Variants in KLHL3 observed in about 807,000 individuals in gnomAD.
The protein encoded by KLHL3 is kelch-like protein 3.
A neutral mutation model predicts 70.5 loss-of-function variants in KLHL3; 19 were observed. That is an observed-to-expected ratio of 0.27 (90% CI 0.19 to 0.40). The LOEUF (loss-of-function observed/expected upper bound fraction) is 0.40, where lower values mean the gene tolerates loss of function less well. Among genes scored for constraint, KLHL3 ranks in the 10% least tolerant of loss-of-function variants. The probability of loss-of-function intolerance (pLI) is 1.00; values close to 1 mark genes in which losing one functional copy is unlikely to be tolerated. For synonymous variants in KLHL3, 258 were observed against 290.3 expected (o/e 0.89, Z 1.13); for missense variants, 512 against 771.1 (o/e 0.66, Z 3.98).
At chr5:137,694,568 T>C (rs1752402032) in intron 4 of KLHL3, among the ~76,000 whole-genome samples, 1 of 152,048 alleles carries the variant, frequency 6.6e-6, no homozygotes, top group South Asian at 2.1e-4. Context: ...CAAATGGGGA[T>C]CCATTAACCA....
chr5:137,675,089 T>G (rs1388534638), intron 6 of KLHL3, among the ~76,000 whole-genome samples: 1 of 152,190 alleles, frequency 6.6e-6, no homozygotes, highest in Non-Finnish European at 1.5e-5. Context: ...AGATCATGAG[T>G]AATCTGCTTT....
At chr5:137,727,665 T>G (rs1753106668) in intron 1 of KLHL3, among the ~76,000 whole-genome samples, 1 of 152,198 alleles carries the variant, frequency 6.6e-6, no homozygotes, top group Admixed American at 6.5e-5. Flanking sequence ...CTACCAGCCT[T>G]CAAGCCTCTT....
At chr5:137,676,506 A>G (rs867830585) in intron 6 of KLHL3, among the ~76,000 whole-genome samples, 36 of 152,348 alleles carry the variant, frequency 2.4e-4, no homozygotes, top group African/African-American at 8.2e-4. Context: ...ATGTACAATG[A>G]AAAGGAGAAC....
chr5:137,696,094 T>A (rs1258655154), intron 4 of KLHL3, among the ~76,000 whole-genome samples: 1 of 152,056 alleles, frequency 6.6e-6, no homozygotes. Flanking sequence ...CTTCCTCAGA[T>A]AACATGAAAA....
At chr5:137,679,381 G>C (rs886111508) in intron 5 of KLHL3, among the ~76,000 whole-genome samples, 4 of 152,142 alleles carry the variant, frequency 2.6e-5, no homozygotes, top group Admixed American at 6.5e-5. Context: ...AGGACCACAC[G>C]GTTCTCAGGA....
chr5:137,689,984 C>T (rs1303331536), intron 5 of KLHL3, among the ~76,000 whole-genome samples: 1 of 152,218 alleles, frequency 6.6e-6, no homozygotes, highest in Non-Finnish European at 1.5e-5. Flanking sequence ...GACAGAATTT[C>T]TGACATCTAA....
chr5:137,695,767 C>T (rs1428917314), intron 4 of KLHL3, among the ~76,000 whole-genome samples: 1 of 152,196 alleles, frequency 6.6e-6, no homozygotes, highest in Non-Finnish European at 1.5e-5. Flanking sequence ...GCAGCAGTGA[C>T]AAGATTATGA....
chr5:137,679,030 A>G (rs1418675995), intron 5 of KLHL3, among the ~76,000 whole-genome samples: 1 of 130,958 alleles, frequency 7.6e-6, no homozygotes, highest in African/African-American at 2.6e-5. Context: ...AAAAGCCTTT[A>G]GTTTTTAAGT....
chr5:137,692,648 CTG>C, intron 4 of KLHL3: 1 of 568,626 alleles, frequency 1.8e-6, no homozygotes, highest in Non-Finnish European at 3.2e-6. Flanking sequence ...AGCAGATTCT[CTG>C]TATCCCTACA....
chr5:137,720,373 A>C, intron 2 of KLHL3, 92 bp downstream of exon 2: 1 of 1,432,968 alleles, frequency 7.0e-7, no homozygotes, highest in Non-Finnish European at 9.7e-7. Context: ...AGAATTCCCT[A>C]GGTGGTCATG....
At chr5:137,637,474 G>T in intron 10 of KLHL3, 79 bp from the exon 11 acceptor site, 1 of 1,285,548 alleles carries the variant, frequency 7.8e-7, no homozygotes, top group Non-Finnish European at 1.1e-6. Context: ...GGATGGGGGA[G>T]GAGTCCAAAT....
chr5:137,692,970 T>A (rs1248887042), intron 4 of KLHL3, among the ~76,000 whole-genome samples: 2 of 152,134 alleles, frequency 1.3e-5, no homozygotes, highest in Non-Finnish European at 2.9e-5. Context: ...GGCCTGGACA[T>A]TAAGATGTTT....
chr5:137,679,259 TG>T (rs915450330), intron 5 of KLHL3, among the ~76,000 whole-genome samples: 1 of 152,070 alleles, frequency 6.6e-6, no homozygotes, highest in Non-Finnish European at 1.5e-5. Flanking sequence ...CCCTGTCAAT[TG>T]GTAACACCCA....
intron 3 of KLHL3, among the ~76,000 whole-genome samples, chr5:137,705,277 G>A (rs1482398759): frequency 4.6e-5 from 7 of 152,230 alleles, no homozygotes; most frequent in Admixed American, 2.0e-4. Context: ...CCAGGGCCTG[G>A]TAGAGTCTGG....
At chr5:137,703,299 G>T (rs749181019) in intron 3 of KLHL3, among the ~76,000 whole-genome samples, 1 of 152,146 alleles carries the variant, frequency 6.6e-6, no homozygotes, top group African/African-American at 2.4e-5. Flanking sequence ...TACCCTTTGC[G>T]CAATGATTCT....
chr5:137,696,341 G>A (rs1308607907), intron 4 of KLHL3, among the ~76,000 whole-genome samples: 4 of 152,062 alleles, frequency 2.6e-5, no homozygotes, highest in Non-Finnish European at 4.4e-5. Flanking sequence ...GAGGTGGGGG[G>A]GTATATAGAT....
At chr5:137,684,374 C>T (rs1752111123) in intron 5 of KLHL3, among the ~76,000 whole-genome samples, 1 of 152,220 alleles carries the variant, frequency 6.6e-6, no homozygotes, top group Non-Finnish European at 1.5e-5. Context: ...AGGACTCTCA[C>T]TGAGTCAGAG....
In KLHL3 at chr5:137,688,193, AAAAT is replaced by A. The variant is rs1752233737; in HGVS notation, c.526+4088_526+4091del. ...AAAATAAAATAAAATAAAATAAAATAAAATAAAATATTACCTCCCTAGTGTGCAG... is the reference window on the plus strand; with the variant it reads ...AAAATAAAATAAAATAAAATAAAATAAAAATATTACCTCCCTAGTGTGCAG... On this transcript the variant is annotated intron_variant, in intron 5 of 14. Transcript: ENST00000309755. Among the ~76,000 whole-genome samples, 2 of 7,708 alleles carry A rather than the reference AAAAT, an allele frequency of 2.6e-4. 1 individual carries two copies. The highest frequency in any genetic ancestry group is 1.2e-3 in the African/African-American group (2 of 1,614). 5.1% of individuals were successfully genotyped at this position (7,708 alleles called of 152,430 possible).
chr5:137,625,929 A>G (rs776105097), intron 13 of KLHL3, 33 bp from the exon 14 acceptor site: 4 of 1,613,860 alleles, frequency 2.5e-6, no homozygotes, highest in Non-Finnish European at 3.4e-6. Flanking sequence ...GGGAGACATC[A>G]CAGCAGGTGC....
Sources: gnomAD v4.1 joint callset for allele counts (sites outside exome capture counted in the v4.1 genomes callset) on GRCh38, gnomAD v4.1.1 for gene constraint, MANE v1.5 for transcripts, NCBI Gene and HGNC (gene_info 2026-07-23, HGNC 2026-07-21) for gene names.